PLEKHA4: variants seen among roughly 807,000 people sequenced by gnomAD.
PLEKHA4 encodes pleckstrin homology domain-containing family A member 4.
In PLEKHA4, 73 loss-of-function variants were observed where a neutral mutation model predicts 94.7. The observed-to-expected ratio is 0.77, with a 90% CI of 0.64 to 0.94. The LOEUF (loss-of-function observed/expected upper bound fraction) is 0.94, where lower values mean the gene tolerates loss of function less well. Ranked by LOEUF, PLEKHA4 falls within the 40% of genes least tolerant of loss-of-function variation. The probability of loss-of-function intolerance (pLI) is 0.00; values close to 1 mark genes in which losing one functional copy is unlikely to be tolerated. For synonymous variants in PLEKHA4, 449 were observed against 437.1 expected, an observed-to-expected ratio of 1.03 and a Z score of -0.34; for missense variants, 1,049 against 1,054.1, an observed-to-expected ratio of 1.00 and a Z score of 0.07.
At chr19:48,859,432 C>T in intron 7 of PLEKHA4, 37 bp downstream of exon 7, 1 of 1,607,816 alleles carries the variant, frequency 6.2e-7, no homozygotes, top group Non-Finnish European at 8.5e-7. Flanking sequence ...CTGCCCTTCT[C>T]TTAGGCCACG....
intron 2 of PLEKHA4, among the ~76,000 whole-genome samples, chr19:48,866,463 C>T (rs1303191020): frequency 2.0e-5 from 3 of 152,148 alleles, no homozygotes; most frequent in South Asian, 2.1e-4. Context: ...CGTGCCACCA[C>T]GCCTGGCTAA....
Position 48,861,685 on chromosome 19 carries a change from G to A in PLEKHA4, c.200C>T (p.Ser67Leu), listed in dbSNP as rs778302948. The A allele has an allele frequency of 1.4e-5, 22 of 1,613,860 alleles. No individual in the cohort carries two copies. The highest frequency in any genetic ancestry group is 6.7e-5 in the East Asian group (3 of 44,872). The change falls in exon 4 of 20, where the codon TCG (serine) becomes TTG (leucine). Residue 67 changes from serine to leucine, a missense_variant. By Grantham distance (145) the Ser-to-Leu change is moderately radical. Transcript: ENST00000263265. ...GCGGCGTTTCCAGAGACGGAGCCCC[G>A]AGCTGTCCTGGGGAGAGAGATGGGA... ...IRGWLHKQDSSGLRLWKRRWF... is the reference protein window; with the variant it reads ...IRGWLHKQDSLGLRLWKRRWF...
In PLEKHA4 at chr19:48,838,235, T is replaced by C. The variant is rs73061610; in HGVS notation, c.1965-106A>G. 4.0e-4 allele frequency: 246 copies of C among 615,594 alleles called. 1 individual carries two copies. The highest frequency in any genetic ancestry group is 6.1e-4 in the Non-Finnish European group (207 of 340,766). The allele number at this position is 615,594 out of a possible 1,614,324, so 38.1% of individuals were successfully genotyped here. The stretch of plus-strand genomic sequence containing the variant: ...AGGATGAATAAGACCTACTATTAGA[T>C]AGCACAACAGAATGACTATAGTCAA... On this transcript the variant is annotated intron_variant, in intron 18 of 19. Coordinates refer to ENST00000263265, the MANE Select transcript of PLEKHA4 (RefSeq NM_020904.3).
intron 2 of PLEKHA4, among the ~76,000 whole-genome samples, chr19:48,866,445 T>C (rs1275224817): frequency 6.6e-6 from 1 of 152,134 alleles, no homozygotes; most frequent in African/African-American, 2.4e-5. Context: ...TAGCTGAGAT[T>C]GCAGGCACGT....
intron 16 of PLEKHA4, 99 bp from the exon 17 acceptor site, chr19:48,841,409 T>G: frequency 7.6e-7 from 1 of 1,309,172 alleles, no homozygotes; most frequent in South Asian, 1.5e-5. Flanking sequence ...AGAGGATCAC[T>G]TGAGGTCAGG....
chr19:48,852,241 A>G lies in PLEKHA4; in HGVS notation c.1412T>C (p.Leu471Pro). 1 of 1,613,886 alleles carries G rather than the reference A, an allele frequency of 6.2e-7. No individual in the cohort carries two copies. Among genetic ancestry groups the G allele is most frequent in the African/African-American group, 1.3e-5 (1 of 75,010 alleles). ...GCAGCGATTTACCTGGGGAGAACCA[A>G]GGTGCAGCAGGTACTCCAGCGTCTC... ...LRETLEYLLH[L>P]GSPQDRVSAQ... is the part of the protein sequence containing the mutation. The change falls in exon 13 of 20, where the codon CTT (leucine) becomes CCT (proline). Residue 471 changes from leucine (L) to proline (P), a missense_variant. Transcript: ENST00000263265.
At chr19:48,844,726 C>T (rs776780247) in intron 16 of PLEKHA4, 27 of 809,910 alleles carry the variant, frequency 3.3e-5, no homozygotes, top group Non-Finnish European at 3.3e-5. Context: ...AATTCCTAAA[C>T]ATTCCTGCCA....
In PLEKHA4 at chr19:48,837,379, G is replaced by A; in HGVS notation, c.2250C>T (p.Pro750=). 1 of 1,613,670 alleles carries A rather than the reference G, an allele frequency of 6.2e-7. No homozygotes were observed. The highest frequency in any genetic ancestry group is 2.2e-5 in the East Asian group (1 of 44,856). ...GAGGGGCGATCCCGGCATCCCACGCGGGCCCCCAGGGGGTGGGACCTCCTC... is the reference window on the plus strand; with the variant it reads ...GAGGGGCGATCCCGGCATCCCACGCAGGCCCCCAGGGGGTGGGACCTCCTC... ...GRGGGPTPWG[P]AWDAGIAPPV... Residue 750 remains proline (P), a synonymous_variant, in exon 20 of 20, where the codon CCC becomes CCT. Coordinates refer to ENST00000263265, the MANE Select transcript of PLEKHA4 (RefSeq NM_020904.3). The surrounding 1 kb of genome is among the most constrained non-coding windows in gnomAD (Gnocchi z 4.3).
chr19:48,856,617 T>C (rs898345356), intron 9 of PLEKHA4, among the ~76,000 whole-genome samples: 1 of 149,666 alleles, frequency 6.7e-6, no homozygotes, highest in Non-Finnish European at 1.5e-5. Context: ...ATTCAGGAGG[T>C]TGAGGCAGGA....
chr19:48,859,110 G>A lies in PLEKHA4; in HGVS notation c.722C>T (p.Ser241Leu), dbSNP rs1324042032. Reference protein sequence around the residue: ...DLFTPLSRPPSPLSLPRPRSA... With the variant: ...DLFTPLSRPPLPLSLPRPRSA... ...ACGGGGACGGGGGAGGCTCAGAGGC[G>A]AGGGAGGGCGAGAGAGGGGGGTGAA... Residue 241 changes from serine (S) to leucine (L), a missense_variant, in exon 8 of 20, where the codon TCG (serine) becomes TTG (leucine). Physicochemically the swap from Ser to Leu is moderately radical, Grantham distance 145 (BLOSUM62 -2). Coordinates refer to ENST00000263265, the MANE Select transcript of PLEKHA4 (RefSeq NM_020904.3). 1 of 1,511,264 alleles carries A rather than the reference G, an allele frequency of 6.6e-7. No homozygotes were observed. The allele number at this position is 1,511,264 out of a possible 1,614,324, so 93.6% of individuals were successfully genotyped here. A position where few individuals can be genotyped will look rare whatever the true frequency, so the allele number is the denominator to read the frequency against.
In PLEKHA4 at chr19:48,845,588, G is replaced by A. The variant is rs960241070; in HGVS notation, c.1595C>T (p.Ser532Phe). 4 of 1,604,844 alleles carry A rather than the reference G, an allele frequency of 2.5e-6. No homozygotes were observed. Among genetic ancestry groups the A allele is most frequent in the Non-Finnish European group, 3.4e-6 (4 of 1,175,290 alleles). ...CCAGTCAGTCTCGGGGGACCTAGGG[G>A]AGCTCAGTTCCAAGGACTCTGGCAG... The part of the protein sequence containing the change: ...ESLPESLELS[S>F]PRSPETDWGR... The change falls in exon 15 of 20, where the codon TCC becomes TTC. Residue 532 changes from serine (S) to phenylalanine (F), a missense_variant. Transcript: ENST00000263265.
chr19:48,848,464 C>T (rs1003061809), intron 13 of PLEKHA4, among the ~76,000 whole-genome samples: 3 of 131,504 alleles, frequency 2.3e-5, no homozygotes, highest in Non-Finnish European at 4.7e-5. Flanking sequence ...CCAGCCTGGG[C>T]GACAGAGCGA....
At chr19:48,859,237 CTG>C in intron 7 of PLEKHA4, 98 bp from the exon 8 acceptor site, 3 of 1,002,966 alleles carry the variant, frequency 3.0e-6, no homozygotes, top group Non-Finnish European at 4.4e-6. Flanking sequence ...TCTCACTTCA[CTG>C]TGTCTTACTG....
intron 13 of PLEKHA4, 29 bp downstream of exon 13, chr19:48,852,199 G>A (rs748115190): frequency 2.6e-6 from 4 of 1,546,578 alleles, no homozygotes; most frequent in African/African-American, 2.7e-5. Context: ...GTTGGGGGTG[G>A]GTCTTGGGGT....
chr19:48,867,437 TA>T lies in PLEKHA4; in HGVS notation c.84+99del. 1.4e-6 allele frequency: 2 copies of T among 1,379,682 alleles called. No homozygotes were observed. Among genetic ancestry groups the T allele is most frequent in the Non-Finnish European group, 2.0e-6 (2 of 1,011,950 alleles). The allele number at this position is 1,379,682 out of a possible 1,614,324, so 85.5% of individuals were successfully genotyped here. A position where few individuals can be genotyped will look rare whatever the true frequency, so the allele number is the denominator to read the frequency against. The stretch of plus-strand genomic sequence containing the variant: ...TACTATGTCTGGCAGACCCCGTTGC[TA>T]AGGATCTTTGTCCTTAACAACCAGA... On this transcript the variant is annotated intron_variant, in intron 2 of 19. Transcript: ENST00000263265. This position sits in a 1 kb window ranked among gnomAD's most constrained non-coding sequence, Gnocchi z 4.7.
At chr19:48,859,728 T>G (rs2036565865) in intron 6 of PLEKHA4, 44 bp from the exon 7 acceptor site, 1 of 1,541,234 alleles carries the variant, frequency 6.5e-7, no homozygotes, top group African/African-American at 1.4e-5. Flanking sequence ...TCGAACTTCA[T>G]AACAGCCCTA....
intron 17 of PLEKHA4, 52 bp downstream of exon 17, chr19:48,841,097 G>A (rs986982953): frequency 2.9e-5 from 44 of 1,531,948 alleles, no homozygotes; most frequent in East Asian, 1.6e-4. Context: ...CAAAGTAGGC[G>A]AAGAGGACCT....
In PLEKHA4 at chr19:48,838,134, A is replaced by G. The variant is rs2035611473; in HGVS notation, c.1965-5T>C. On this transcript the variant is annotated splice_polypyrimidine_tract_variant and splice_region_variant and intron_variant, in intron 18 of 19. Coordinates refer to ENST00000263265, the MANE Select transcript of PLEKHA4 (RefSeq NM_020904.3). The stretch of plus-strand genomic sequence containing the variant: ...TAAGGGGTGGTGTTCCTTGGACTAG[A>G]AAAAAAAAGAAGATTGGGGGTGGGG... 8 of 1,569,126 alleles carry G rather than the reference A, an allele frequency of 5.1e-6. No homozygotes were observed. The highest frequency in any genetic ancestry group is 7.0e-6 in the Non-Finnish European group (8 of 1,144,650).
At chr19:48,844,117 A>ATTTTT (rs1206950333) in intron 16 of PLEKHA4, among the ~76,000 whole-genome samples, 1 of 132,884 alleles carries the variant, frequency 7.5e-6, no homozygotes, top group African/African-American at 2.8e-5. Flanking sequence ...TGCCTTATTT[A>ATTTTT]TTTTATTATT....
Sources: gnomAD v4.1 joint callset for allele counts (sites outside exome capture counted in the v4.1 genomes callset) on GRCh38, gnomAD v4.1.1 for gene constraint, Gnocchi (gnomAD v3.1) non-coding constraint, MANE v1.5 for transcripts, NCBI Gene and HGNC (gene_info 2026-07-23, HGNC 2026-07-21) for gene names.